Variants in ELP3 observed in about 807,000 individuals in gnomAD.
ELP3 encodes elongator complex protein 3.
ELP3 carries 56 observed loss-of-function variants against 74.9 expected under a neutral mutation model. The ratio of observed to expected loss-of-function variants is 0.75; its 90% CI spans 0.60 to 0.93. The LOEUF is 0.93. Among genes scored for constraint, ELP3 ranks in the 40% least tolerant of loss-of-function variants. The probability of loss-of-function intolerance (pLI) is 0.00; values close to 1 mark genes in which losing one functional copy is unlikely to be tolerated. For missense variants in ELP3, 573 were observed against 686.5 expected, an observed-to-expected ratio of 0.83 and a Z score of 1.85; for synonymous variants, 222 against 239.8, an observed-to-expected ratio of 0.93 and a Z score of 0.68.
intron 14 of ELP3, among the ~76,000 whole-genome samples, chr8:28,185,711 G>A (rs1277440373): frequency 6.6e-6 from 1 of 152,198 alleles, no homozygotes; most frequent in African/African-American, 2.4e-5. Context: ...GAAGCGCCCA[G>A]AGGCAGTGGC....
rs937396987 is a variant in ELP3 at position 28,099,793 on chromosome 8, C to T, written c.120-35C>T. ...TCTTGGTAGCTTGTCCTTAAATAAC[C>T]GTAATCTTGATAATGTGAGATGCTT... On this transcript the variant is annotated intron_variant, in intron 2 of 14. Coordinates refer to ENST00000256398, the MANE Select transcript of ELP3 (RefSeq NM_018091.6). 35 of 1,612,720 alleles carry T rather than the reference C, an allele frequency of 2.2e-5. No homozygotes were observed. The East Asian group carries it at 6.2e-4, about 29-fold the overall frequency.
intron 11 of ELP3, among the ~76,000 whole-genome samples, chr8:28,158,279 T>C (rs561416359): frequency 6.6e-6 from 1 of 152,300 alleles, no homozygotes; most frequent in Non-Finnish European, 1.5e-5. Flanking sequence ...TCTTTACTGC[T>C]AAGATTATAT....
At chr8:28,136,478 G>A (rs538702759) in intron 9 of ELP3, among the ~76,000 whole-genome samples, 115 of 152,222 alleles carry the variant, frequency 7.6e-4, no homozygotes, top group Non-Finnish European at 7.4e-4. Flanking sequence ...GCTTCCATAC[G>A]TGCTCTTTGT....
At position 28,158,649 on chromosome 8, in the gene ELP3, T is replaced by G; in HGVS notation, c.1257+16T>G. On this transcript the variant is annotated intron_variant, in intron 12 of 14. Transcript: ENST00000256398. Reference sequence around the variant, plus strand: ...GCCATACCAGGTTAGTCTCTTCATGTCATAGAGGGCCTAGGTACTGTCCTT... The same window carrying G: ...GCCATACCAGGTTAGTCTCTTCATGGCATAGAGGGCCTAGGTACTGTCCTT... 6.2e-7 allele frequency: 1 copy of G among 1,606,324 alleles called. No homozygotes were observed. Among genetic ancestry groups the G allele is most frequent in the Non-Finnish European group, 8.5e-7 (1 of 1,173,026 alleles).
Position 28,122,738 on chromosome 8 carries a change from G to A in ELP3, c.618-6764G>A, listed in dbSNP as rs1057429222. The stretch of plus-strand genomic sequence containing the variant: ...GTTCTTTTCAAAGAAGTAGCTTTTG[G>A]TTTTATTTCCTCTACTCTGTAGACT... On this transcript the variant is annotated intron_variant, in intron 7 of 14. Coordinates refer to ENST00000256398, the MANE Select transcript of ELP3 (RefSeq NM_018091.6). Among the ~76,000 whole-genome samples, 27 of 152,128 alleles carry A rather than the reference G, an allele frequency of 1.8e-4. 1 individual carries two copies. Among genetic ancestry groups the A allele is most frequent in the African/African-American group, 6.0e-4 (25 of 41,424 alleles).
intron 10 of ELP3, among the ~76,000 whole-genome samples, chr8:28,146,767 G>A (rs1364625626): frequency 6.6e-6 from 1 of 152,130 alleles, no homozygotes; most frequent in African/African-American, 2.4e-5. Context: ...ACTGAAACTG[G>A]CAATTACCAC....
chr8:28,106,258 C>T (rs1010447660), intron 3 of ELP3, among the ~76,000 whole-genome samples: 3 of 152,110 alleles, frequency 2.0e-5, no homozygotes, highest in South Asian at 2.1e-4. Flanking sequence ...AATACAGCCT[C>T]GGCCGGGCGC....
At chr8:28,119,803 CCCCATCACAA>C (rs1812296128) in intron 7 of ELP3, among the ~76,000 whole-genome samples, 1 of 151,626 alleles carries the variant, frequency 6.6e-6, no homozygotes, top group Non-Finnish European at 1.5e-5. Context: ...TGATTTTTTT[CCCCATCACAA>C]ATTAGTTTTG....
At chr8:28,168,985 C>T (rs1262745320) in intron 14 of ELP3, among the ~76,000 whole-genome samples, 1 of 152,202 alleles carries the variant, frequency 6.6e-6, no homozygotes, top group Admixed American at 6.5e-5. Flanking sequence ...TCCAACAGAA[C>T]ACATGCAAGG....
At chr8:28,149,637 G>A (rs1014253473) in intron 10 of ELP3, among the ~76,000 whole-genome samples, 2 of 152,060 alleles carry the variant, frequency 1.3e-5, no homozygotes, top group African/African-American at 4.8e-5. Context: ...TGGTTTCATT[G>A]ATTTGTTTCT....
intron 14 of ELP3, among the ~76,000 whole-genome samples, chr8:28,169,950 C>T (rs1272462650): frequency 6.6e-6 from 1 of 152,164 alleles, no homozygotes; most frequent in Non-Finnish European, 1.5e-5. Context: ...TGACAGCTTG[C>T]TCTCTCAGTG....
In ELP3 at chr8:28,138,353, A is replaced by G. The variant is rs562208778; in HGVS notation, c.1100+462A>G. Among the ~76,000 whole-genome samples, 7 of 152,358 alleles carry G rather than the reference A, an allele frequency of 4.6e-5. No homozygotes were observed. The South Asian group carries it at 1.4e-3, about 32-fold the overall frequency. On this transcript the variant is annotated intron_variant, in intron 10 of 14. Coordinates refer to ENST00000256398, the MANE Select transcript of ELP3 (RefSeq NM_018091.6). ...AGGTGACATATTTCTGATGGCTTGAAGAAAACAAAATAATCTGAACTGCTT... is the reference window on the plus strand; with the variant it reads ...AGGTGACATATTTCTGATGGCTTGAGGAAAACAAAATAATCTGAACTGCTT...
rs2130625707 is a variant in ELP3 at position 28,187,777 on chromosome 8, A to C, written c.1568-1872A>C. Reference sequence around the variant, plus strand: ...GCGGAGGGAGCTTGCGGGGCAGGTTACCAGGAGTTGGGTTTTTGACCTGCT... The same window carrying C: ...GCGGAGGGAGCTTGCGGGGCAGGTTCCCAGGAGTTGGGTTTTTGACCTGCT... On this transcript the variant is annotated intron_variant, in intron 14 of 14. Transcript: ENST00000256398. Among the ~76,000 whole-genome samples, 4 of 152,146 alleles carry C rather than the reference A, an allele frequency of 2.6e-5. 1 individual carries two copies. In the South Asian group the frequency reaches 6.2e-4, roughly 24 times the overall value.
chr8:28,128,591 C>G (rs952863933), intron 7 of ELP3, among the ~76,000 whole-genome samples: 2 of 152,122 alleles, frequency 1.3e-5, no homozygotes, highest in Non-Finnish European at 2.9e-5. Flanking sequence ...TCAGGTGGAC[C>G]CAACTTCAGA....
At chr8:28,183,010 GCTGAATAACTCTA>G in intron 14 of ELP3, among the ~76,000 whole-genome samples, 1 of 152,318 alleles carries the variant, frequency 6.6e-6, no homozygotes, top group South Asian at 2.1e-4. Flanking sequence ...CCCACTGAGT[GCTGAATAACTCTA>G]CTCCTCTCGG....
chr8:28,112,909 A>T lies in ELP3; in HGVS notation c.463-110A>T, dbSNP rs145855365. 3.7e-3 allele frequency: 3,729 copies of T among 1,004,788 alleles called. 13 individuals carry two copies. The highest frequency in any genetic ancestry group is 3.7e-3 in the Non-Finnish European group (2,700 of 726,492). The allele number at this position is 1,004,788 out of a possible 1,614,324, so 62.2% of individuals were successfully genotyped here. A position where few individuals can be genotyped will look rare whatever the true frequency, so the allele number is the denominator to read the frequency against. ...AGCTAAGTGTGTTTCATTACTTCTG[A>T]TTTTTAAACTGTACTGATGAAAACA... On this transcript the variant is annotated intron_variant, in intron 6 of 14. Coordinates refer to ENST00000256398, the MANE Select transcript of ELP3 (RefSeq NM_018091.6).
intron 1 of ELP3, among the ~76,000 whole-genome samples, chr8:28,093,822 G>A (rs530422009): frequency 1.3e-5 from 2 of 152,228 alleles, no homozygotes; most frequent in African/African-American, 4.8e-5. Flanking sequence ...TGACCAGCTG[G>A]TCTAATCATG....
intron 14 of ELP3, among the ~76,000 whole-genome samples, chr8:28,167,527 C>T (rs895481253): frequency 5.9e-5 from 9 of 152,172 alleles, no homozygotes; most frequent in Non-Finnish European, 1.3e-4. Flanking sequence ...TTCATAACTA[C>T]GTTTGTCTGA....
In ELP3 at chr8:28,132,260, GTGA is replaced by G; in HGVS notation, c.780-16_780-14del. 1.2e-6 allele frequency: 2 copies of G among 1,613,712 alleles called. No individual in the cohort carries two copies. The highest frequency in any genetic ancestry group is 1.7e-6 in the Non-Finnish European group (2 of 1,179,742). ...AAATAGGTAGTGATTTTCACAGGTAGTGATTTTCTTTCCTTAGGGGCCACACTG... is the reference window on the plus strand; with the variant it reads ...AAATAGGTAGTGATTTTCACAGGTAGTTTTCTTTCCTTAGGGGCCACACTG... On this transcript the variant is annotated splice_polypyrimidine_tract_variant and intron_variant, in intron 8 of 14. Coordinates refer to ENST00000256398, the MANE Select transcript of ELP3 (RefSeq NM_018091.6).
Sources: gnomAD v4.1 joint callset for allele counts (sites outside exome capture counted in the v4.1 genomes callset) on GRCh38, gnomAD v4.1.1 for gene constraint, MANE v1.5 for transcripts, NCBI Gene and HGNC (gene_info 2026-07-23, HGNC 2026-07-21) for gene names.